Variants in FARS2 observed in about 807,000 individuals in gnomAD.
FARS2 encodes phenylalanyl-tRNA synthetase 2, mitochondrial.
In FARS2, 40 loss-of-function variants were observed where a neutral mutation model predicts 46.4. That is an observed-to-expected ratio of 0.86 (90% CI 0.67 to 1.12). The LOEUF (loss-of-function observed/expected upper bound fraction) is 1.12. FARS2 is among the 50% of genes most tolerant of loss of function. FARS2 has a pLI of 0.00. For synonymous variants in FARS2, 234 were observed against 214.9 expected (o/e 1.09, Z -0.78); for missense variants, 513 against 567.9 (o/e 0.90, Z 0.98).
intron 1 of FARS2, among the ~76,000 whole-genome samples, chr6:5,268,042 A>T (rs1464499427): frequency 6.6e-6 from 1 of 151,904 alleles, no homozygotes; most frequent in African/African-American, 2.4e-5. Flanking sequence ...CCACTTTTTG[A>T]TGGGGTTGTT....
At chr6:5,569,333 C>T (rs903179196) in intron 5 of FARS2, among the ~76,000 whole-genome samples, 19 of 151,488 alleles carry the variant, frequency 1.3e-4, no homozygotes, top group African/African-American at 4.4e-4. Context: ...ACCAACTGGG[C>T]TCGGTCGATC....
intron 5 of FARS2, among the ~76,000 whole-genome samples, chr6:5,546,348 T>G (rs998456267): frequency 6.6e-6 from 1 of 150,468 alleles, no homozygotes; most frequent in Non-Finnish European, 1.5e-5. Context: ...CCTCCTGGGT[T>G]CAAGCAATTC....
At chr6:5,319,148 TAGTC>T (rs746295627) in intron 1 of FARS2, among the ~76,000 whole-genome samples, 32 of 152,210 alleles carry the variant, frequency 2.1e-4, no homozygotes, top group Non-Finnish European at 3.7e-4. Context: ...CATCAGGTGA[TAGTC>T]AGGAAGTTGT....
intron 4 of FARS2, among the ~76,000 whole-genome samples, chr6:5,432,328 ATATAT>A (rs1190819126): frequency 3.1e-5 from 1 of 32,686 alleles, no homozygotes; most frequent in African/African-American, 7.1e-5. Context: ...AAAAAAAAAA[ATATAT>A]ATATATATAT....
chr6:5,713,979 T>TA (rs1282191991), intron 6 of FARS2, among the ~76,000 whole-genome samples: 1 of 152,080 alleles, frequency 6.6e-6, no homozygotes, highest in Non-Finnish European at 1.5e-5. Context: ...AAAATAAAAT[T>TA]AAAAAATAAA....
chr6:5,571,795 C>G (rs533677669), intron 5 of FARS2, among the ~76,000 whole-genome samples: 36 of 152,122 alleles, frequency 2.4e-4, no homozygotes, highest in Non-Finnish European at 4.1e-4. Context: ...ATCTTCTACT[C>G]TTCTCTCCCT....
intron 1 of FARS2, among the ~76,000 whole-genome samples, chr6:5,358,969 A>C (rs900038078): frequency 6.9e-6 from 1 of 145,750 alleles, no homozygotes; most frequent in African/African-American, 2.5e-5. Context: ...TATGGCATTT[A>C]TTAGCAAAGA....
chr6:5,548,521 G>A (rs1270290402), intron 5 of FARS2, among the ~76,000 whole-genome samples: 2 of 152,110 alleles, frequency 1.3e-5, no homozygotes, highest in Admixed American at 1.3e-4. Flanking sequence ...ATAAAACCTG[G>A]CTAGGGCTGT....
At chr6:5,396,387 G>A (rs1162116454) in intron 2 of FARS2, among the ~76,000 whole-genome samples, 8 of 152,068 alleles carry the variant, frequency 5.3e-5, no homozygotes. Context: ...ATAATCATTT[G>A]TAAAAAATCA....
At chr6:5,307,677 T>G (rs1768806681) in intron 1 of FARS2, among the ~76,000 whole-genome samples, 1 of 152,238 alleles carries the variant, frequency 6.6e-6, no homozygotes, top group Non-Finnish European at 1.5e-5. Flanking sequence ...ATTTCTTGAC[T>G]TAGTAGTGAG....
At chr6:5,713,001 G>A (rs1432841272) in intron 6 of FARS2, among the ~76,000 whole-genome samples, 1 of 152,244 alleles carries the variant, frequency 6.6e-6, no homozygotes, top group Non-Finnish European at 1.5e-5. Flanking sequence ...CTGGAAGTAA[G>A]AGAAAGAGCC....
intron 6 of FARS2, among the ~76,000 whole-genome samples, chr6:5,647,149 T>A (rs1777120311): frequency 6.6e-6 from 1 of 152,222 alleles, no homozygotes; most frequent in Admixed American, 6.5e-5. Context: ...TTACTACTCT[T>A]TTGTCAGGGA....
intron 5 of FARS2, among the ~76,000 whole-genome samples, chr6:5,593,677 C>G (rs926629479): frequency 2.6e-5 from 4 of 152,108 alleles, no homozygotes; most frequent in African/African-American, 7.2e-5. Flanking sequence ...ACTTTGAATC[C>G]TTGGGTTATT....
intron 6 of FARS2, among the ~76,000 whole-genome samples, chr6:5,737,357 C>T (rs1761018474): frequency 6.6e-6 from 1 of 152,174 alleles, no homozygotes; most frequent in African/African-American, 2.4e-5. Flanking sequence ...ATAGTGAAAC[C>T]CCGTCTCCAC....
chr6:5,748,602 G>A (rs1191342902), intron 6 of FARS2, among the ~76,000 whole-genome samples: 1 of 152,232 alleles, frequency 6.6e-6, no homozygotes, highest in Non-Finnish European at 1.5e-5. Context: ...ATTACATCCA[G>A]TATATTATTT....
the FARS2 span, among the ~76,000 whole-genome samples, chr6:5,252,702 GC>G: frequency 1.3e-5 from 2 of 152,108 alleles, no homozygotes; most frequent in African/African-American, 2.4e-5. Context: ...TGGTCAATGA[GC>G]AAAAGCAGAG....
chr6:5,623,102 C>G (rs1775856467), intron 6 of FARS2, among the ~76,000 whole-genome samples: 1 of 152,162 alleles, frequency 6.6e-6, no homozygotes, highest in African/African-American at 2.4e-5. Flanking sequence ...CATCTACCAC[C>G]AGGAGTAATG....
Position 5,361,701 on chromosome 6 carries a change from A to AT in FARS2, c.-21-6843dup, listed in dbSNP as rs538558874. Among the ~76,000 whole-genome samples, 77 of 152,232 alleles carry AT rather than the reference A, an allele frequency of 5.1e-4. 1 individual carries two copies. The East Asian group carries it at 0.01, about 20-fold the overall frequency. Reference sequence around the variant, plus strand: ...AACTGTGTTGACTGAACCAAGCTTCATTTTTTCTTGATAGAAATTGTGTGA... The same window carrying AT: ...AACTGTGTTGACTGAACCAAGCTTCATTTTTTTCTTGATAGAAATTGTGTGA... On this transcript the variant is annotated intron_variant, in intron 1 of 6. Transcript: ENST00000274680.
At chr6:5,625,607 A>T (rs900764833) in intron 6 of FARS2, among the ~76,000 whole-genome samples, 6 of 152,174 alleles carry the variant, frequency 3.9e-5, no homozygotes, top group African/African-American at 1.4e-4. Context: ...TAGAGAGACA[A>T]GTGGCCAGTG....
Sources: gnomAD v4.1 joint callset for allele counts (sites outside exome capture counted in the v4.1 genomes callset) on GRCh38, gnomAD v4.1.1 for gene constraint, MANE v1.5 for transcripts, NCBI Gene and HGNC (gene_info 2026-07-23, HGNC 2026-07-21) for gene names.